SSBP2: variants seen among roughly 807,000 people sequenced by gnomAD.
SSBP2 encodes the protein single stranded DNA binding protein 2, also known as single-stranded DNA-binding protein 2.
A neutral mutation model predicts 61.8 loss-of-function variants in SSBP2; 17 were observed. The ratio of observed to expected loss-of-function variants is 0.28; its 90% CI spans 0.19 to 0.41. The LOEUF is 0.41. Among genes scored for constraint, SSBP2 ranks in the 10% least tolerant of loss-of-function variants. SSBP2 has a pLI of 1.00. For synonymous variants in SSBP2, 139 were observed against 141.3 expected (o/e 0.98, Z 0.12); for missense variants, 310 against 458.7 (o/e 0.68, Z 2.96).
chr5:81,604,260 T>TTTTC (rs1744660117), intron 4 of SSBP2, among the ~76,000 whole-genome samples: 1 of 151,530 alleles, frequency 6.6e-6, no homozygotes, highest in African/African-American at 2.4e-5. Flanking sequence ...CTTTTCTTTT[T>TTTTC]TTTTTTTTTC....
chr5:81,749,666 T>TA (rs146068401), intron 1 of SSBP2, among the ~76,000 whole-genome samples: 366 of 148,116 alleles, frequency 2.5e-3, no homozygotes, highest in Admixed American at 4.1e-3. Flanking sequence ...TTGCACAGTT[T>TA]AAAAAAAAAA....
At position 81,418,564 on chromosome 5, in the gene SSBP2, T is replaced by C. The variant is rs572772678; in HGVS notation, c.*1940A>G. The C allele has an allele frequency of 1.3e-5, 2 of 152,324 alleles. No homozygotes were observed. Among genetic ancestry groups the C allele is most frequent in the South Asian group, 4.1e-4 (2 of 4,832 alleles). The allele number at this position is 152,324 out of a possible 1,614,324, so 9.4% of individuals were successfully genotyped here. A position where few individuals can be genotyped will look rare whatever the true frequency, so the allele number is the denominator to read the frequency against. On this transcript the variant is annotated 3_prime_UTR_variant, in exon 17 of 17. Transcript: ENST00000320672. The stretch of plus-strand genomic sequence containing the variant: ...AGTATACATTCTGAGAAATGCATTG[T>C]CAGGCAATATTGTCCTTGTCTGAAC...
intron 4 of SSBP2, among the ~76,000 whole-genome samples, chr5:81,602,639 T>C (rs1047135701): frequency 6.6e-6 from 1 of 152,194 alleles, no homozygotes; most frequent in African/African-American, 2.4e-5. Context: ...TGACCTTTGC[T>C]CTGAGGCCCT....
chr5:81,714,762 T>C (rs1755058536), intron 1 of SSBP2, among the ~76,000 whole-genome samples: 1 of 152,198 alleles, frequency 6.6e-6, no homozygotes, highest in Non-Finnish European at 1.5e-5. Flanking sequence ...TCTTGTAAAT[T>C]TGTTTAAGTT....
intron 1 of SSBP2, among the ~76,000 whole-genome samples, chr5:81,664,016 C>T (rs1417081374): frequency 6.6e-6 from 1 of 151,976 alleles, no homozygotes; most frequent in Non-Finnish European, 1.5e-5. Context: ...ATAACAGCTT[C>T]CAAAAATGGC....
chr5:81,484,529 C>T (rs559311042), intron 6 of SSBP2, among the ~76,000 whole-genome samples: 1 of 151,856 alleles, frequency 6.6e-6, no homozygotes, highest in South Asian at 2.1e-4. Flanking sequence ...TTTAATCTTG[C>T]CATGTTGGAT....
chr5:81,725,187 T>C (rs1441121937), intron 1 of SSBP2, among the ~76,000 whole-genome samples: 2 of 152,120 alleles, frequency 1.3e-5, no homozygotes, highest in East Asian at 1.9e-4. Context: ...GCCACGTGAA[T>C]AAGGGGAAAG....
chr5:81,616,937 C>G (rs570751133), intron 3 of SSBP2, among the ~76,000 whole-genome samples: 1 of 147,774 alleles, frequency 6.8e-6, no homozygotes, highest in Non-Finnish European at 1.5e-5. Flanking sequence ...ACATCTACAC[C>G]GAAAACCCAT....
intron 1 of SSBP2, among the ~76,000 whole-genome samples, chr5:81,687,616 A>G (rs1031267918): frequency 5.3e-5 from 8 of 152,150 alleles, no homozygotes; most frequent in Admixed American, 4.6e-4. Context: ...AGGAGAAGAG[A>G]GGGAAGAGTA....
chr5:81,603,558 C>A (rs1430538238), intron 4 of SSBP2, among the ~76,000 whole-genome samples: 1 of 152,138 alleles, frequency 6.6e-6, no homozygotes, highest in Admixed American at 6.6e-5. Flanking sequence ...GGTACTGTCA[C>A]CATCTTTGGA....
chr5:81,424,316 C>T (rs1383291796), intron 16 of SSBP2, among the ~76,000 whole-genome samples: 1 of 152,040 alleles, frequency 6.6e-6, no homozygotes. Flanking sequence ...CCCAGCTACT[C>T]AGGAGGCTGA....
chr5:81,445,051 A>T (rs1018484350), intron 12 of SSBP2, among the ~76,000 whole-genome samples: 2 of 149,164 alleles, frequency 1.3e-5, no homozygotes, highest in African/African-American at 4.9e-5. Context: ...TGAATCCAGG[A>T]GGCTGAGCTT....
At chr5:81,650,692 ATGAAT>A (rs1377621024) in intron 1 of SSBP2, among the ~76,000 whole-genome samples, 2 of 152,116 alleles carry the variant, frequency 1.3e-5, no homozygotes, top group African/African-American at 2.4e-5. Context: ...AGTAAAAGAA[ATGAAT>A]TAAGTTAGTG....
At chr5:81,435,036 G>T (rs1460225936) in intron 15 of SSBP2, among the ~76,000 whole-genome samples, 1 of 152,164 alleles carries the variant, frequency 6.6e-6, no homozygotes, top group Admixed American at 6.6e-5. Context: ...CCAGCTTAGA[G>T]CCCAGAGCCA....
chr5:81,514,138 CT>C (rs919363983), intron 4 of SSBP2, among the ~76,000 whole-genome samples: 16 of 150,624 alleles, frequency 1.1e-4, no homozygotes, highest in African/African-American at 2.2e-4. Context: ...ATAATTCTCC[CT>C]TTTTTTTTAA....
At chr5:81,720,295 C>G (rs1338794527) in intron 1 of SSBP2, among the ~76,000 whole-genome samples, 2 of 152,122 alleles carry the variant, frequency 1.3e-5, no homozygotes, top group Non-Finnish European at 2.9e-5. Flanking sequence ...CTACCATGCA[C>G]TGGAGATAAA....
intron 4 of SSBP2, among the ~76,000 whole-genome samples, chr5:81,517,021 A>G (rs1410466752): frequency 6.6e-6 from 1 of 152,126 alleles, no homozygotes; most frequent in East Asian, 1.9e-4. Flanking sequence ...TAGTTTAATT[A>G]CAGTTAAGAA....
intron 4 of SSBP2, among the ~76,000 whole-genome samples, chr5:81,545,989 C>T (rs1771700538): frequency 6.6e-6 from 1 of 152,118 alleles, no homozygotes; most frequent in Non-Finnish European, 1.5e-5. Context: ...AATGTTTAAG[C>T]ACAAGCTGGT....
chr5:81,501,864 C>A (rs1767817460), intron 5 of SSBP2, among the ~76,000 whole-genome samples: 1 of 152,056 alleles, frequency 6.6e-6, no homozygotes, highest in Non-Finnish European at 1.5e-5. Flanking sequence ...CGCCCTGCCC[C>A]CTGGTGTTGT....
Sources: allele counts gnomAD v4.1 joint callset (sites outside exome capture counted in the v4.1 genomes callset), GRCh38; gene constraint gnomAD v4.1.1; transcripts MANE v1.5; gene names NCBI Gene and HGNC (gene_info 2026-07-23, HGNC 2026-07-21).